ATP10B: variants seen among roughly 807,000 people sequenced by gnomAD.
ATP10B encodes the protein phospholipid-transporting ATPase VB.
Under a neutral mutation model 141.2 loss-of-function variants are expected in ATP10B, and 122 were observed. The observed-to-expected ratio is 0.86, with a 90% CI of 0.75 to 1.00. The LOEUF (loss-of-function observed/expected upper bound fraction) is 1.00. Ranked by LOEUF, ATP10B falls within the 50% of genes least tolerant of loss-of-function variation. The probability of loss-of-function intolerance (pLI) is 0.00; values close to 1 mark genes in which losing one functional copy is unlikely to be tolerated. For missense variants in ATP10B, 1,876 were observed against 1,825.3 expected, an observed-to-expected ratio of 1.03 and a Z score of -0.51; for synonymous variants, 685 against 692.0, an observed-to-expected ratio of 0.99 and a Z score of 0.16.
At chr5:160,727,995 T>G (rs926569990) in intron 2 of ATP10B, among the ~76,000 whole-genome samples, 2 of 152,234 alleles carry the variant, frequency 1.3e-5, no homozygotes, top group Admixed American at 6.5e-5. Flanking sequence ...GGTTTCACAC[T>G]GATAATGTCA....
chr5:160,925,832 T>C, the ATP10B span, among the ~76,000 whole-genome samples: 1 of 152,202 alleles, frequency 6.6e-6, no homozygotes, highest in East Asian at 1.9e-4. Flanking sequence ...TTTTGGAACA[T>C]TCTTCCTAAA....
the ATP10B span, among the ~76,000 whole-genome samples, chr5:160,871,974 GT>G: frequency 6.6e-6 from 1 of 152,088 alleles, no homozygotes; most frequent in Non-Finnish European, 1.5e-5. Flanking sequence ...TATCCCCACT[GT>G]TTTCCATAGT....
the ATP10B span, among the ~76,000 whole-genome samples, chr5:160,922,089 T>C: frequency 1.1e-4 from 17 of 152,128 alleles, no homozygotes; most frequent in African/African-American, 3.9e-4. Flanking sequence ...TGCGGGTGGG[T>C]GTCTGGCTTG....
the ATP10B span, among the ~76,000 whole-genome samples, chr5:160,920,404 T>C: frequency 6.6e-6 from 1 of 152,212 alleles, no homozygotes; most frequent in South Asian, 2.1e-4. Context: ...AGAGCATCTT[T>C]CCCACCAAGC....
chr5:160,632,308 G>C lies in ATP10B; in HGVS notation c.1441C>G (p.Gln481Glu). 6.2e-7 allele frequency: 1 copy of C among 1,614,196 alleles called. No individual in the cohort carries two copies. Among genetic ancestry groups the C allele is most frequent in the East Asian group, 2.2e-5 (1 of 44,886 alleles). Reference sequence around the variant, plus strand: ...CATCTAGCCGAGAAGGACAGGCATTGGTATTGGGTCCACTCTTCACCATCT... The same window carrying C: ...CATCTAGCCGAGAAGGACAGGCATTCGTATTGGGTCCACTCTTCACCATCT... ...DSDGEEWTQY[Q>E]CLSFSARWAQ... The change falls in exon 13 of 26, where the codon CAA becomes GAA. Residue 481 changes from glutamine (Q) to glutamate (E), a missense_variant. Coordinates refer to ENST00000327245, the MANE Select transcript of ATP10B (RefSeq NM_025153.3).
chr5:160,731,883 G>C lies in ATP10B; in HGVS notation c.-330-14849C>G, dbSNP rs1185018983. On this transcript the variant is annotated intron_variant, in intron 2 of 25. Coordinates refer to ENST00000327245, the MANE Select transcript of ATP10B (RefSeq NM_025153.3). ...CCAAAAACAGTTCAGTTCTAATCAA[G>C]TTAAGTGCCTGCTAAAATAAAAAAT... Among the ~76,000 whole-genome samples, 3 of 152,142 alleles carry C rather than the reference G, an allele frequency of 2.0e-5. No individual in the cohort carries two copies. In the East Asian group the frequency reaches 5.8e-4, roughly 29 times the overall value.
the ATP10B span, among the ~76,000 whole-genome samples, chr5:160,898,379 C>G: frequency 6.6e-6 from 1 of 151,994 alleles, no homozygotes; most frequent in African/African-American, 2.4e-5. Flanking sequence ...ATGCAGTCAA[C>G]AAACATATGA....
chr5:160,607,517 G>A (rs1757461818), intron 18 of ATP10B, among the ~76,000 whole-genome samples: 1 of 152,174 alleles, frequency 6.6e-6, no homozygotes, highest in Non-Finnish European at 1.5e-5. Flanking sequence ...TAGAGATGAG[G>A]AGACTGAAAT....
the ATP10B span, among the ~76,000 whole-genome samples, chr5:160,896,239 C>CAA: frequency 1.1e-3 from 164 of 146,910 alleles, no homozygotes; most frequent in African/African-American, 4.0e-3. Flanking sequence ...AAAAACCCTT[C>CAA]AAAAAAAAAA....
chr5:160,747,182 T>C (rs1455705774), intron 2 of ATP10B, among the ~76,000 whole-genome samples: 1 of 152,222 alleles, frequency 6.6e-6, no homozygotes. Flanking sequence ...GTCCCAATGA[T>C]TCCAGGCTAA....
chr5:160,659,238 G>A (rs1427109372), intron 7 of ATP10B, among the ~76,000 whole-genome samples: 1 of 152,124 alleles, frequency 6.6e-6, no homozygotes, highest in African/African-American at 2.4e-5. Context: ...GGCTGAGGAG[G>A]GTGGATCACG....
chr5:160,579,426 C>T (rs1000450958), intron 24 of ATP10B, among the ~76,000 whole-genome samples: 10 of 152,168 alleles, frequency 6.6e-5, no homozygotes, highest in African/African-American at 2.4e-4. Flanking sequence ...AATAGGGAAT[C>T]CTTTCCCCAT....
At chr5:160,858,922 G>A in the ATP10B span, among the ~76,000 whole-genome samples, 4 of 151,706 alleles carry the variant, frequency 2.6e-5, no homozygotes, top group Admixed American at 1.3e-4. Flanking sequence ...CAAATGAAAC[G>A]TGTCATAATT....
At chr5:160,877,970 T>C in the ATP10B span, among the ~76,000 whole-genome samples, 4 of 151,782 alleles carry the variant, frequency 2.6e-5, no homozygotes, top group African/African-American at 4.8e-5. Flanking sequence ...AGGTAATTTA[T>C]AGATTCAATG....
At chr5:160,786,408 G>C (rs998574053) in intron 1 of ATP10B, among the ~76,000 whole-genome samples, 2 of 152,062 alleles carry the variant, frequency 1.3e-5, no homozygotes, top group African/African-American at 4.8e-5. Context: ...GTTTTCTTAA[G>C]CCATTGGGTT....
chr5:160,778,955 T>G (rs1770529726), intron 2 of ATP10B, among the ~76,000 whole-genome samples: 1 of 152,068 alleles, frequency 6.6e-6, no homozygotes, highest in Non-Finnish European at 1.5e-5. Context: ...GGGATAATAG[T>G]AGTAGGCGTC....
intron 4 of ATP10B, among the ~76,000 whole-genome samples, chr5:160,688,427 G>A (rs1434407165): frequency 6.6e-6 from 1 of 152,160 alleles, no homozygotes; most frequent in African/African-American, 2.4e-5. Context: ...GCATTGAAGT[G>A]GGTGGGACGT....
chr5:160,701,312 G>GTC (rs1764655781), intron 3 of ATP10B, among the ~76,000 whole-genome samples: 1 of 152,056 alleles, frequency 6.6e-6, no homozygotes, highest in Admixed American at 6.6e-5. Context: ...TCCCAGCCCT[G>GTC]TCTTTTGTTA....
At chr5:160,588,853 A>T (rs550940855) in intron 24 of ATP10B, among the ~76,000 whole-genome samples, 1 of 152,164 alleles carries the variant, frequency 6.6e-6, no homozygotes, top group South Asian at 2.1e-4. Context: ...GCCTTCTTAG[A>T]TATCAAAATG....
Sources: allele counts gnomAD v4.1 joint callset (sites outside exome capture counted in the v4.1 genomes callset), GRCh38; gene constraint gnomAD v4.1.1; transcripts MANE v1.5; gene names NCBI Gene and HGNC (gene_info 2026-07-23, HGNC 2026-07-21).